The following NRG3 variants were observed in gnomAD, a reference collection of about 807,000 sequenced individuals.
The protein encoded by NRG3 is pro-neuregulin-3, membrane-bound isoform.
Under a neutral mutation model 66.9 loss-of-function variants are expected in NRG3, and 31 were observed. The observed-to-expected ratio is 0.46, with a 90% CI of 0.35 to 0.63. The LOEUF (loss-of-function observed/expected upper bound fraction) is 0.63, where lower values mean the gene tolerates loss of function less well. Among genes scored for constraint, NRG3 ranks in the 20% least tolerant of loss-of-function variants. The pLI, the probability that NRG3 is intolerant of heterozygous loss-of-function variation, is 0.00. For missense variants in NRG3, 910 were observed against 878.9 expected (o/e 1.04, Z -0.45); for synonymous variants, 393 against 359.4 (o/e 1.09, Z -1.06).
At chr10:82,705,928 C>G (rs1043713536) in intron 2 of NRG3, among the ~76,000 whole-genome samples, 1 of 152,094 alleles carries the variant, frequency 6.6e-6, no homozygotes, top group African/African-American at 2.4e-5. Context: ...AAGGTAAAAA[C>G]TATTGATTAA....
chr10:82,243,908 TAGG>T (rs1479786846), intron 1 of NRG3, among the ~76,000 whole-genome samples: 3 of 152,212 alleles, frequency 2.0e-5, no homozygotes, highest in Non-Finnish European at 4.4e-5. Flanking sequence ...TAGCATTTAA[TAGG>T]AGAAATTTCT....
chr10:81,953,089 T>G (rs1168120576), intron 1 of NRG3, among the ~76,000 whole-genome samples: 1 of 152,144 alleles, frequency 6.6e-6, no homozygotes, highest in East Asian at 1.9e-4. Flanking sequence ...CACATTTATT[T>G]TCTCCCCTCC....
At chr10:82,801,102 G>T (rs1357794428) in intron 3 of NRG3, among the ~76,000 whole-genome samples, 1 of 152,160 alleles carries the variant, frequency 6.6e-6, no homozygotes, top group Non-Finnish European at 1.5e-5. Context: ...ACTGAGTCCT[G>T]GGAAAAGGAG....
At chr10:82,034,839 T>C (rs1362495612) in intron 1 of NRG3, among the ~76,000 whole-genome samples, 2 of 151,986 alleles carry the variant, frequency 1.3e-5, no homozygotes, top group Non-Finnish European at 2.9e-5. Flanking sequence ...CTCTGACTTG[T>C]TGAGAGACCC....
At chr10:82,832,419 C>G (rs2062571753) in intron 3 of NRG3, among the ~76,000 whole-genome samples, 1 of 152,172 alleles carries the variant, frequency 6.6e-6, no homozygotes, top group Non-Finnish European at 1.5e-5. Context: ...TCACTGTCCT[C>G]TAGGTGCCAT....
intron 2 of NRG3, among the ~76,000 whole-genome samples, chr10:82,659,588 G>C (rs543300484): frequency 6.6e-6 from 1 of 152,094 alleles, no homozygotes; most frequent in African/African-American, 2.4e-5. Flanking sequence ...AGGTTGCAGA[G>C]AGCCAAGATC....
chr10:82,795,517 A>T (rs920656281), intron 3 of NRG3, among the ~76,000 whole-genome samples: 1 of 152,202 alleles, frequency 6.6e-6, no homozygotes, highest in African/African-American at 2.4e-5. Flanking sequence ...GAGACTGTCA[A>T]AAACAACATT....
chr10:81,967,738 A>C (rs1331950079), intron 1 of NRG3, among the ~76,000 whole-genome samples: 1 of 152,124 alleles, frequency 6.6e-6, no homozygotes, highest in Non-Finnish European at 1.5e-5. Flanking sequence ...GTGTTTGGGT[A>C]GAAGAATTTT....
At chr10:82,193,171 C>T (rs1045520924) in intron 1 of NRG3, among the ~76,000 whole-genome samples, 1 of 152,200 alleles carries the variant, frequency 6.6e-6, no homozygotes, top group Non-Finnish European at 1.5e-5. Flanking sequence ...TAGACGGAGT[C>T]TCACTTTGTT....
intron 1 of NRG3, among the ~76,000 whole-genome samples, chr10:82,116,337 A>G (rs2067716439): frequency 2.0e-5 from 3 of 152,128 alleles, no homozygotes; most frequent in South Asian, 4.1e-4. Context: ...CTGAAATATT[A>G]ATTCTTAAAC....
In NRG3 at chr10:82,660,196, C is replaced by CAAAAAAAA. The variant is rs58870828; in HGVS notation, c.954-78349_954-78342dup. 2.9e-3 allele frequency among the ~76,000 whole-genome samples: 57 copies of CAAAAAAAA among 19,556 alleles called. 1 individual carries two copies. Among genetic ancestry groups the CAAAAAAAA allele is most frequent in the South Asian group, 5.9e-3 (2 of 338 alleles). 12.8% of individuals were successfully genotyped at this position (19,556 alleles called of 152,430 possible). A position where few individuals can be genotyped will look rare whatever the true frequency, so the allele number is the denominator to read the frequency against. On this transcript the variant is annotated intron_variant, in intron 2 of 8. Coordinates refer to ENST00000372141, the MANE Select transcript of NRG3 (RefSeq NM_001010848.4). Reference sequence around the variant, plus strand: ...GGGCGACAAGAGCAAAACTCCCTCTCAAAAAAAAAAAAAAAAAAAAAAAAA... The same window carrying CAAAAAAAA: ...GGGCGACAAGAGCAAAACTCCCTCTCAAAAAAAAAAAAAAAAAAAAAAAAAAAAAAAAA...
intron 2 of NRG3, among the ~76,000 whole-genome samples, chr10:82,463,071 T>G (rs934585474): frequency 5.3e-5 from 8 of 152,290 alleles, no homozygotes; most frequent in South Asian, 2.1e-4. Context: ...CTGGCCTCCT[T>G]AGGATTGGAT....
intron 1 of NRG3, among the ~76,000 whole-genome samples, chr10:82,165,251 T>C (rs1257533677): frequency 2.0e-5 from 3 of 152,042 alleles, no homozygotes; most frequent in Non-Finnish European, 2.9e-5. Flanking sequence ...TGAGAAGTAG[T>C]ACTGGGAGAA....
chr10:82,791,133 C>T (rs768976409), intron 3 of NRG3, among the ~76,000 whole-genome samples: 8 of 151,930 alleles, frequency 5.3e-5, no homozygotes, highest in Non-Finnish European at 1.0e-4. Context: ...GCTGTGCTTT[C>T]CTTTTCCCCT....
chr10:82,221,474 A>C (rs1057126433), intron 1 of NRG3, among the ~76,000 whole-genome samples: 2 of 152,172 alleles, frequency 1.3e-5, no homozygotes, highest in African/African-American at 2.4e-5. Flanking sequence ...TCCTCTGACC[A>C]TGCAGTTTAT....
intron 2 of NRG3, among the ~76,000 whole-genome samples, chr10:82,536,444 C>T (rs1304953225): frequency 6.6e-6 from 1 of 152,162 alleles, no homozygotes; most frequent in Non-Finnish European, 1.5e-5. Context: ...ATTTTACAAA[C>T]AGCATATTTT....
intron 1 of NRG3, among the ~76,000 whole-genome samples, chr10:82,149,827 CT>C (rs2070567025): frequency 6.6e-6 from 1 of 151,970 alleles, no homozygotes; most frequent in South Asian, 2.1e-4. Flanking sequence ...TGAGAAAGCC[CT>C]TGTCCACAGC....
At chr10:82,420,937 T>G (rs1431857456) in intron 2 of NRG3, among the ~76,000 whole-genome samples, 1 of 152,018 alleles carries the variant, frequency 6.6e-6, no homozygotes, top group Non-Finnish European at 1.5e-5. Context: ...ATTCTGAAAA[T>G]GTAAAAGTAT....
At chr10:82,609,720 A>T (rs956465987) in intron 2 of NRG3, among the ~76,000 whole-genome samples, 1 of 152,178 alleles carries the variant, frequency 6.6e-6, no homozygotes, top group Non-Finnish European at 1.5e-5. Flanking sequence ...AGCCAATGTA[A>T]TGTAACTACA....
Sources: gnomAD v4.1 joint callset for allele counts (sites outside exome capture counted in the v4.1 genomes callset) on GRCh38, gnomAD v4.1.1 for gene constraint, MANE v1.5 for transcripts, NCBI Gene and HGNC (gene_info 2026-07-23, HGNC 2026-07-21) for gene names.